Variants in TMEM14A observed in about 807,000 individuals in gnomAD.
TMEM14A encodes the protein transmembrane protein 14A.
TMEM14A carries 8 observed loss-of-function variants against 11.6 expected under a neutral mutation model. The ratio of observed to expected loss-of-function variants is 0.69; its 90% CI spans 0.40 to 1.24. The LOEUF (loss-of-function observed/expected upper bound fraction) is 1.24. Among genes scored for constraint, TMEM14A ranks in the 50% most tolerant of loss-of-function variants. The pLI, the probability that TMEM14A is intolerant of heterozygous loss-of-function variation, is 0.01. For missense variants in TMEM14A, 108 were observed against 121.9 expected (o/e 0.89, Z 0.54); for synonymous variants, 34 against 45.5 (o/e 0.75, Z 1.02).
intron 1 of TMEM14A, among the ~76,000 whole-genome samples, chr6:52,671,446 T>G (rs1050785268): frequency 2.6e-5 from 4 of 152,022 alleles, no homozygotes; most frequent in African/African-American, 9.7e-5. Context: ...TCCTCCCGAG[T>G]TTCTGCCTTC....
At chr6:52,681,305 C>A (rs1769387741) in intron 2 of TMEM14A, among the ~76,000 whole-genome samples, 1 of 151,984 alleles carries the variant, frequency 6.6e-6, no homozygotes, top group Non-Finnish European at 1.5e-5. Flanking sequence ...GTCCTTGAGT[C>A]CTGACATCTT....
At position 52,686,006 on chromosome 6, in the gene TMEM14A, C is replaced by G; in HGVS notation, c.261-4C>G. On this transcript the variant is annotated splice_region_variant and splice_polypyrimidine_tract_variant and intron_variant, in intron 4 of 4. Coordinates refer to ENST00000211314, the MANE Select transcript of TMEM14A (RefSeq NM_014051.4). Reference sequence around the variant, plus strand: ...CCTTTGTCTTTGTTTTATTTTAAATCCAGCCTCATGATGATCCTGAGACTT... The same window carrying G: ...CCTTTGTCTTTGTTTTATTTTAAATGCAGCCTCATGATGATCCTGAGACTT... 1 of 1,609,816 alleles carries G rather than the reference C, an allele frequency of 6.2e-7. No homozygotes were observed. The highest frequency in any genetic ancestry group is 1.3e-5 in the African/African-American group (1 of 74,772).
intron 3 of TMEM14A, among the ~76,000 whole-genome samples, chr6:52,683,488 A>AAG: frequency 6.8e-6 from 1 of 147,828 alleles, no homozygotes; most frequent in African/African-American, 2.5e-5. Context: ...AACAACAAAA[A>AAG]AAAAAAAAAG....
intron 1 of TMEM14A, among the ~76,000 whole-genome samples, chr6:52,671,517 G>A (rs1769161595): frequency 6.6e-6 from 1 of 151,986 alleles, no homozygotes; most frequent in South Asian, 2.1e-4. Flanking sequence ...GGGTGGTGGG[G>A]TGGGCTCATG....
At chr6:52,682,025 A>T in intron 3 of TMEM14A, 111 bp downstream of exon 3, 4 of 837,580 alleles carry the variant, frequency 4.8e-6, no homozygotes, top group South Asian at 1.8e-5. Flanking sequence ...AAATGGCCAT[A>T]TGCATGTGTT....
At chr6:52,676,790 C>T (rs575439416) in intron 1 of TMEM14A, among the ~76,000 whole-genome samples, 21 of 152,174 alleles carry the variant, frequency 1.4e-4, no homozygotes, top group South Asian at 8.3e-4. Flanking sequence ...CTTCACATGG[C>T]GACAGGAGGG....
Position 52,681,872 on chromosome 6 carries a change from T to C in TMEM14A, c.130T>C (p.Tyr44His). The change falls in exon 3 of 5, where the codon TAC (tyrosine) becomes CAC (histidine). Residue 44 changes from tyrosine to histidine, a missense_variant. Tyr to His is a moderately conservative substitution (Grantham distance 83, BLOSUM62 2). Coordinates refer to ENST00000211314, the MANE Select transcript of TMEM14A (RefSeq NM_014051.4). The part of the protein sequence containing the change: ...FVGCLAGYGA[Y>H]RVSNDKRDVK... ...TGGATGTTTGGCCGGCTATGGAGCTTACCGTGTCTCCAATGACAAACGAGA... is the reference window on the plus strand; with the variant it reads ...TGGATGTTTGGCCGGCTATGGAGCTCACCGTGTCTCCAATGACAAACGAGA... 6.2e-7 allele frequency: 1 copy of C among 1,614,182 alleles called. No homozygotes were observed. Among genetic ancestry groups the C allele is most frequent in the South Asian group, 1.1e-5 (1 of 91,086 alleles).
intron 2 of TMEM14A, 108 bp downstream of exon 2, chr6:52,677,280 G>A (rs1223221285): frequency 8.3e-7 from 1 of 1,203,294 alleles, no homozygotes; most frequent in African/African-American, 1.5e-5. Flanking sequence ...ATGCCTTAGA[G>A]GTGGCTGAAG....
In TMEM14A at chr6:52,673,361, A is replaced by AG. The variant is rs1769197291; in HGVS notation, c.-17+2116_-17+2117insG. Among the ~76,000 whole-genome samples the AG allele has an allele frequency of 7.0e-5, 4 of 56,828 alleles. No homozygotes were observed. The East Asian group carries it at 1.7e-3, about 25-fold the overall frequency. The allele number at this position is 56,828 out of a possible 152,430, so 37.3% of individuals were successfully genotyped here. A position where few individuals can be genotyped will look rare whatever the true frequency, so the allele number is the denominator to read the frequency against. On this transcript the variant is annotated intron_variant, in intron 1 of 4. Transcript: ENST00000211314. ...GAGGCCTTGAATTTTGAGTTAAATC[A>AG]AGTTGCCAGGTAGAGGTCATTGAGG...
intron 2 of TMEM14A, among the ~76,000 whole-genome samples, chr6:52,677,978 C>T (rs925439826): frequency 6.6e-6 from 1 of 152,050 alleles, no homozygotes; most frequent in Non-Finnish European, 1.5e-5. Context: ...GTAGAATTGA[C>T]CATCATCTAC....
At position 52,686,275 on chromosome 6, in the gene TMEM14A, A is replaced by G; in HGVS notation, c.*226A>G. The G allele has an allele frequency of 4.7e-6, 2 of 429,078 alleles. No homozygotes were observed. The highest frequency in any genetic ancestry group is 8.2e-6 in the Non-Finnish European group (2 of 243,422). The allele number at this position is 429,078 out of a possible 1,614,324, so 26.6% of individuals were successfully genotyped here. On this transcript the variant is annotated 3_prime_UTR_variant, in exon 5 of 5. Coordinates refer to ENST00000211314, the MANE Select transcript of TMEM14A (RefSeq NM_014051.4). ...TTTCATTAAAAGTGTCTAATGAATC[A>G]TGATATACTCTTCCATTTGTTGTGT... is the stretch of plus-strand genomic sequence containing the variant.
At chr6:52,678,232 C>A (rs1477130689) in intron 2 of TMEM14A, among the ~76,000 whole-genome samples, 1 of 151,714 alleles carries the variant, frequency 6.6e-6, no homozygotes. Context: ...ACTTCTATTA[C>A]AGAACAGAAA....
At chr6:52,682,019 G>T in intron 3 of TMEM14A, 105 bp downstream of exon 3, 3 of 891,870 alleles carry the variant, frequency 3.4e-6, no homozygotes, top group Non-Finnish European at 5.2e-6. Flanking sequence ...AATGGCAAAT[G>T]GCCATATGCA....
chr6:52,678,097 G>A (rs958420094), intron 2 of TMEM14A, among the ~76,000 whole-genome samples: 2 of 152,170 alleles, frequency 1.3e-5, no homozygotes, highest in Non-Finnish European at 2.9e-5. Context: ...TGGCACCAAA[G>A]TAAGACCTGT....
rs979507765 is a variant in TMEM14A, at chr6:52,681,490, G to A, written c.71-323G>A. Among the ~76,000 whole-genome samples, 3 of 152,188 alleles carry A rather than the reference G, an allele frequency of 2.0e-5. No homozygotes were observed. In the South Asian group the frequency reaches 6.2e-4, roughly 32 times the overall value. On this transcript the variant is annotated intron_variant, in intron 2 of 4. Transcript: ENST00000211314. ...AAAAATTAAAAAAGAAGGGCTTAAG[G>A]AAGTTAAATAATTGTCCAAGATCAT... is the stretch of plus-strand genomic sequence containing the variant.
intron 1 of TMEM14A, among the ~76,000 whole-genome samples, chr6:52,675,787 TA>T (rs2127262155): frequency 6.6e-6 from 1 of 152,334 alleles, no homozygotes; most frequent in East Asian, 1.9e-4. Flanking sequence ...CATCCATCTG[TA>T]AAGAATGAGA....
rs1769275213 is a variant in TMEM14A, at chr6:52,677,260, G to T, written c.70+88G>T. Reference sequence around the variant, plus strand: ...ATGTGAGGCTCTGTAAGTAGGATGAGAAGCTAAAGATGCCTTAGAGGTGGC... The same window carrying T: ...ATGTGAGGCTCTGTAAGTAGGATGATAAGCTAAAGATGCCTTAGAGGTGGC... On this transcript the variant is annotated intron_variant, in intron 2 of 4. Transcript: ENST00000211314. The T allele has an allele frequency of 2.1e-6, 3 of 1,412,026 alleles. No homozygotes were observed. The East Asian group carries it at 6.8e-5, about 32-fold the overall frequency. 87.5% of individuals were successfully genotyped at this position (1,412,026 alleles called of 1,614,324 possible). A position where few individuals can be genotyped will look rare whatever the true frequency, so the allele number is the denominator to read the frequency against.
intron 1 of TMEM14A, among the ~76,000 whole-genome samples, chr6:52,672,430 G>C (rs572559545): frequency 6.1e-4 from 92 of 151,960 alleles, no homozygotes; most frequent in African/African-American, 2.2e-3. Flanking sequence ...GATAATGAAA[G>C]AACTCTCATA....
intron 3 of TMEM14A, among the ~76,000 whole-genome samples, chr6:52,683,293 C>A: frequency 6.6e-6 from 1 of 151,980 alleles, no homozygotes; most frequent in Admixed American, 6.6e-5. Context: ...GACCCTGTCT[C>A]TACTAAAAGT....
Sources: gnomAD v4.1 joint callset for allele counts (sites outside exome capture counted in the v4.1 genomes callset) on GRCh38, gnomAD v4.1.1 for gene constraint, MANE v1.5 for transcripts, NCBI Gene and HGNC (gene_info 2026-07-23, HGNC 2026-07-21) for gene names.